PCCA: variants seen among roughly 807,000 people sequenced by gnomAD.
The protein encoded by PCCA is propionyl-CoA carboxylase subunit alpha, also known as propionyl-CoA carboxylase alpha chain, mitochondrial.
PCCA carries 74 observed loss-of-function variants against 101.3 expected under a neutral mutation model. The observed-to-expected ratio is 0.73, with a 90% confidence interval of 0.61 to 0.89. The LOEUF (loss-of-function observed/expected upper bound fraction) is 0.89. PCCA is among the 40% of genes least tolerant of loss of function. The pLI is 0.00. For synonymous variants in PCCA, 294 were observed against 313.6 expected, an observed-to-expected ratio of 0.94 and a Z score of 0.66; for missense variants, 891 against 907.0, an observed-to-expected ratio of 0.98 and a Z score of 0.23.
chr13:100,198,468 GTTCATTCATTCATTCATTCATTCA>G (rs34318074), intron 6 of PCCA: 2 of 149,256 alleles, frequency 1.3e-5, no homozygotes, highest in African/African-American at 2.5e-5. Context: ...CAGTTGCCAC[GTTCATTCATTCATTCATTCATTCA>G]TTCATTCATT....
At chr13:100,171,004 TC>T (rs1163731174) in intron 6 of PCCA, among the ~76,000 whole-genome samples, 1 of 152,228 alleles carries the variant, frequency 6.6e-6, no homozygotes, top group African/African-American at 2.4e-5. Context: ...TAATAGTTTT[TC>T]CTGCTCTCAT....
chr13:100,227,036 C>T (rs2060184558), intron 7 of PCCA, among the ~76,000 whole-genome samples: 1 of 152,216 alleles, frequency 6.6e-6, no homozygotes, highest in Non-Finnish European at 1.5e-5. Flanking sequence ...CGAAGTCTTG[C>T]TCTGTCGCCC....
At chr13:100,322,988 T>C (rs1234983779) in intron 16 of PCCA, among the ~76,000 whole-genome samples, 1 of 152,246 alleles carries the variant, frequency 6.6e-6, no homozygotes, top group Admixed American at 6.5e-5. Flanking sequence ...TTCCTTCCCA[T>C]GATATCTAAT....
At chr13:100,099,378 C>T (rs1252494124) in intron 1 of PCCA, among the ~76,000 whole-genome samples, 4 of 141,242 alleles carry the variant, frequency 2.8e-5, no homozygotes, top group African/African-American at 8.1e-5. Context: ...AGTGCAGTGG[C>T]GTGATCTCGG....
intron 4 of PCCA, among the ~76,000 whole-genome samples, chr13:100,143,550 A>AT (rs1491402354): frequency 7.1e-6 from 1 of 140,040 alleles, no homozygotes; most frequent in Non-Finnish European, 1.5e-5. Flanking sequence ...AAAAAAAAAA[A>AT]TAAAAAAAAA....
rs147028557 is a variant in PCCA at position 100,166,733 on chromosome 13, T to C, written c.468+9393T>C. The stretch of plus-strand genomic sequence containing the variant: ...CTTTTAACTACAACTAGAGGTGCTA[T>C]GAACAAGTAGTTATGTGGGCATATG... On this transcript the variant is annotated intron_variant, in intron 6 of 23. Coordinates refer to ENST00000376285, the MANE Select transcript of PCCA (RefSeq NM_000282.4). Among the ~76,000 whole-genome samples the C allele has an allele frequency of 3.2e-3, 481 of 152,350 alleles. 2 individuals are homozygous for C. The highest frequency in any genetic ancestry group is 0.011 in the African/African-American group (460 of 41,578).
intron 22 of PCCA, among the ~76,000 whole-genome samples, chr13:100,517,410 G>A (rs918108736): frequency 1.4e-4 from 22 of 152,184 alleles, no homozygotes; most frequent in Admixed American, 1.2e-3. Context: ...AGAAAAGCAA[G>A]GCATTTCGTA....
intron 20 of PCCA, among the ~76,000 whole-genome samples, chr13:100,428,777 C>A (rs1460663424): frequency 6.6e-6 from 1 of 152,016 alleles, no homozygotes; most frequent in East Asian, 1.9e-4. Context: ...CATTTGGACA[C>A]CCTCTGCTTT....
chr13:100,219,468 T>C (rs1482517619), intron 7 of PCCA, among the ~76,000 whole-genome samples: 1 of 152,082 alleles, frequency 6.6e-6, no homozygotes, highest in Non-Finnish European at 1.5e-5. Context: ...AATTAGTGAA[T>C]GTAGTGTCTC....
At chr13:100,091,742 G>A (rs1325909271) in intron 1 of PCCA, among the ~76,000 whole-genome samples, 1 of 151,900 alleles carries the variant, frequency 6.6e-6, no homozygotes, top group Non-Finnish European at 1.5e-5. Context: ...TTATTTTTAG[G>A]GTATATGTAG....
At chr13:100,514,859 G>A (rs1179970822) in intron 21 of PCCA, among the ~76,000 whole-genome samples, 2 of 152,110 alleles carry the variant, frequency 1.3e-5, no homozygotes, top group South Asian at 2.1e-4. Flanking sequence ...AAAAGCCAAC[G>A]TTTTCAGTCA....
chr13:100,508,280 G>T (rs1023030538), intron 21 of PCCA, among the ~76,000 whole-genome samples: 2 of 152,180 alleles, frequency 1.3e-5, no homozygotes, highest in African/African-American at 4.8e-5. Context: ...ATGGGCTTCA[G>T]ATATTCTTAT....
chr13:100,230,310 G>A (rs1350494481), intron 7 of PCCA, among the ~76,000 whole-genome samples: 4 of 152,062 alleles, frequency 2.6e-5, no homozygotes, highest in African/African-American at 9.7e-5. Flanking sequence ...TTGGGAAGCC[G>A]AGGTGGGCGG....
chr13:100,284,345 A>G (rs1232801975), intron 12 of PCCA, among the ~76,000 whole-genome samples: 3 of 152,136 alleles, frequency 2.0e-5, no homozygotes, highest in Non-Finnish European at 4.4e-5. Flanking sequence ...CCCCTACTTG[A>G]GGAGGGAATC....
chr13:100,151,061 C>T (rs2053253035), intron 4 of PCCA: 1 of 1,554,186 alleles, frequency 6.4e-7, no homozygotes, highest in East Asian at 2.2e-5. Flanking sequence ...CTGCTGCTTT[C>T]TCCGTAGCTC....
chr13:100,478,019 C>T (rs995623710), intron 21 of PCCA, among the ~76,000 whole-genome samples: 5 of 152,232 alleles, frequency 3.3e-5, no homozygotes, highest in South Asian at 2.1e-4. Context: ...TCGAGCTAAT[C>T]GGGCCTTTTA....
At chr13:100,489,563 A>G (rs1456328503) in intron 21 of PCCA, among the ~76,000 whole-genome samples, 1 of 152,258 alleles carries the variant, frequency 6.6e-6, no homozygotes, top group African/African-American at 2.4e-5. Context: ...AACAGCTAAT[A>G]TAGGTGTGTG....
intron 22 of PCCA, 43 bp from the exon 23 acceptor site, chr13:100,527,632 A>G (rs2087956630): frequency 7.1e-7 from 1 of 1,408,108 alleles, no homozygotes; most frequent in African/African-American, 1.4e-5. Context: ...GTTAATGCAA[A>G]ATTAGAATGC....
chr13:100,328,990 AC>A (rs2069127014), intron 16 of PCCA, among the ~76,000 whole-genome samples: 1 of 131,816 alleles, frequency 7.6e-6, no homozygotes, highest in Non-Finnish European at 1.6e-5. Flanking sequence ...CCGCGCCTGG[AC>A]TTTTTTTTTT....
Sources: allele counts gnomAD v4.1 joint callset (sites outside exome capture counted in the v4.1 genomes callset), GRCh38; gene constraint gnomAD v4.1.1; transcripts MANE v1.5; gene names NCBI Gene and HGNC (gene_info 2026-07-23, HGNC 2026-07-21).